Variants in TRPC4 observed in about 807,000 individuals in gnomAD.
TRPC4 encodes transient receptor potential cation channel subfamily C member 4.
TRPC4 carries 49 observed loss-of-function variants against 99.4 expected under a neutral mutation model. That is an observed-to-expected ratio of 0.49 (90% CI 0.39 to 0.63). The LOEUF (loss-of-function observed/expected upper bound fraction) is 0.63. Ranked by LOEUF, TRPC4 falls within the 20% of genes least tolerant of loss-of-function variation. TRPC4 has a pLI of 0.00. For synonymous variants in TRPC4, 454 were observed against 425.9 expected (o/e 1.07, Z -0.81); for missense variants, 898 against 1,152.9 (o/e 0.78, Z 3.20).
At chr13:37,830,034 G>A (rs192027704) in intron 1 of TRPC4, among the ~76,000 whole-genome samples, 77 of 152,242 alleles carry the variant, frequency 5.1e-4, no homozygotes, top group Non-Finnish European at 9.6e-4. Flanking sequence ...ATGACTATGG[G>A]GTTTCTTCTT....
At chr13:37,785,302 T>C (rs989326890) in intron 1 of TRPC4, among the ~76,000 whole-genome samples, 1 of 152,086 alleles carries the variant, frequency 6.6e-6, no homozygotes. Flanking sequence ...TTTTTTCTCA[T>C]TCCCAGGTCA....
In TRPC4 at chr13:37,694,424, T is replaced by A. The variant is rs368891632; in HGVS notation, c.898-2089A>T. Among the ~76,000 whole-genome samples, 61 of 152,324 alleles carry A rather than the reference T, an allele frequency of 4.0e-4. 1 individual carries two copies. The South Asian group carries it at 0.011, about 28-fold the overall frequency. ...GAGGTCTTGGATTCAAACTCTGTTC[T>A]TCCTGGTCAAATCTCACTACAGCAT... On this transcript the variant is annotated intron_variant, in intron 3 of 10. Coordinates refer to ENST00000379705, the MANE Select transcript of TRPC4 (RefSeq NM_016179.4).
chr13:37,852,003 G>A (rs1959071386), intron 1 of TRPC4, among the ~76,000 whole-genome samples: 1 of 152,216 alleles, frequency 6.6e-6, no homozygotes, highest in Non-Finnish European at 1.5e-5. Flanking sequence ...TTCTGGACAA[G>A]TCTTGCCATC....
intron 1 of TRPC4, among the ~76,000 whole-genome samples, chr13:37,816,447 G>A (rs535082934): frequency 8.6e-5 from 13 of 151,918 alleles, no homozygotes; most frequent in African/African-American, 2.4e-4. Context: ...TCTTCTCATC[G>A]TGACATGGCA....
chr13:37,644,086 C>G (rs1951800593), intron 8 of TRPC4, among the ~76,000 whole-genome samples: 1 of 152,130 alleles, frequency 6.6e-6, no homozygotes, highest in Non-Finnish European at 1.5e-5. Flanking sequence ...CAATTCAACT[C>G]ATAATATATG....
intron 2 of TRPC4, among the ~76,000 whole-genome samples, chr13:37,777,994 G>T (rs1213774487): frequency 6.6e-6 from 1 of 152,018 alleles, no homozygotes; most frequent in Non-Finnish European, 1.5e-5. Context: ...CCATGGTAAG[G>T]AGTGTCTGGG....
At chr13:37,671,843 C>A (rs547531044) in intron 5 of TRPC4, among the ~76,000 whole-genome samples, 1 of 152,124 alleles carries the variant, frequency 6.6e-6, no homozygotes, top group Non-Finnish European at 1.5e-5. Context: ...GTGCTAAATG[C>A]AAATCCTTCA....
At chr13:37,796,068 G>T (rs1957236355) in intron 1 of TRPC4, among the ~76,000 whole-genome samples, 1 of 152,118 alleles carries the variant, frequency 6.6e-6, no homozygotes, top group South Asian at 2.1e-4. Context: ...GACGATTTTT[G>T]GTCATGGCAG....
intron 3 of TRPC4, among the ~76,000 whole-genome samples, chr13:37,737,535 C>A (rs920566094): frequency 1.4e-4 from 21 of 152,112 alleles, no homozygotes; most frequent in African/African-American, 4.8e-4. Context: ...TGCACTGGTA[C>A]AATCTTGGCT....
At chr13:37,859,647 C>T (rs1959211738) in intron 1 of TRPC4, among the ~76,000 whole-genome samples, 1 of 151,244 alleles carries the variant, frequency 6.6e-6, no homozygotes, top group South Asian at 2.1e-4. Flanking sequence ...ATGAAAGTAA[C>T]TTTAAAAGTG....
chr13:37,776,416 G>T (rs139248253), intron 2 of TRPC4, among the ~76,000 whole-genome samples: 4 of 151,724 alleles, frequency 2.6e-5, no homozygotes, highest in African/African-American at 9.7e-5. Flanking sequence ...AGAAATGAGC[G>T]TCTTTAATAC....
chr13:37,721,787 A>T (rs141653383), intron 3 of TRPC4, among the ~76,000 whole-genome samples: 1 of 151,988 alleles, frequency 6.6e-6, no homozygotes, highest in Non-Finnish European at 1.5e-5. Flanking sequence ...GATTTTATTT[A>T]TTTTTTTACT....
intron 1 of TRPC4, among the ~76,000 whole-genome samples, chr13:37,859,667 C>A (rs2139711057): frequency 6.6e-6 from 1 of 151,178 alleles, no homozygotes; most frequent in South Asian, 2.1e-4. Context: ...GAGGTTAAAA[C>A]AAAAACATTT....
chr13:37,787,019 A>C (rs1956988264), intron 1 of TRPC4, among the ~76,000 whole-genome samples: 1 of 151,998 alleles, frequency 6.6e-6, no homozygotes, highest in Non-Finnish European at 1.5e-5. Flanking sequence ...AAGCAACATA[A>C]AGATATACAA....
At chr13:37,710,756 T>C (rs143485221) in intron 3 of TRPC4, among the ~76,000 whole-genome samples, 1 of 151,940 alleles carries the variant, frequency 6.6e-6, no homozygotes, top group Admixed American at 6.6e-5. Flanking sequence ...CTCTAAGGTA[T>C]AAAATCTGTA....
rs139850369 is a variant in TRPC4 at position 37,808,634 on chromosome 13, T to C, written c.-27-25274A>G. On this transcript the variant is annotated intron_variant, in intron 1 of 10. Coordinates refer to ENST00000379705, the MANE Select transcript of TRPC4 (RefSeq NM_016179.4). ...GGGGTAGGGCACATCCGATGACTAGTTGATGCAGGAATATAAAGTCCAGTC... is the reference window on the plus strand; with the variant it reads ...GGGGTAGGGCACATCCGATGACTAGCTGATGCAGGAATATAAAGTCCAGTC... Among the ~76,000 whole-genome samples, 602 of 152,098 alleles carry C rather than the reference T, an allele frequency of 4.0e-3. 1 individual carries two copies. The highest frequency in any genetic ancestry group is 7.2e-3 in the Non-Finnish European group (491 of 67,960).
intron 2 of TRPC4, among the ~76,000 whole-genome samples, chr13:37,748,029 T>C (rs1460129219): frequency 6.6e-6 from 1 of 152,132 alleles, no homozygotes; most frequent in Admixed American, 6.6e-5. Flanking sequence ...CCTGACAAAG[T>C]GAGAATTTAC....
intron 2 of TRPC4, among the ~76,000 whole-genome samples, chr13:37,749,424 G>A (rs1323961816): frequency 6.6e-6 from 1 of 152,044 alleles, no homozygotes; most frequent in Non-Finnish European, 1.5e-5. Flanking sequence ...CACCCAGCTG[G>A]TCATAGATTG....
intron 3 of TRPC4, among the ~76,000 whole-genome samples, chr13:37,694,784 GGAGT>G (rs1386885923): frequency 3.3e-5 from 5 of 152,296 alleles, no homozygotes; most frequent in African/African-American, 9.6e-5. Flanking sequence ...AAGAAGAGCA[GGAGT>G]GAGTGTGTGT....
Sources: allele counts gnomAD v4.1 joint callset (sites outside exome capture counted in the v4.1 genomes callset), GRCh38; gene constraint gnomAD v4.1.1; transcripts MANE v1.5; gene names NCBI Gene and HGNC (gene_info 2026-07-23, HGNC 2026-07-21).